The following MAP2 variants were observed in gnomAD, a reference collection of about 807,000 sequenced individuals.
The protein encoded by MAP2 is microtubule associated protein 2, also known as microtubule-associated protein 2.
In MAP2, 14 loss-of-function variants were observed where a neutral mutation model predicts 137.6. The observed-to-expected ratio is 0.10, with a 90% confidence interval of 0.07 to 0.16. The LOEUF (loss-of-function observed/expected upper bound fraction) is 0.16, where lower values mean the gene tolerates loss of function less well. Among genes scored for constraint, MAP2 ranks in the 10% least tolerant of loss-of-function variants. MAP2 has a pLI of 1.00. For missense variants in MAP2, 2,088 were observed against 2,191.5 expected, an observed-to-expected ratio of 0.95 and a Z score of 0.94; for synonymous variants, 786 against 782.3, an observed-to-expected ratio of 1.00 and a Z score of -0.08.
intron 1 of MAP2, among the ~76,000 whole-genome samples, chr2:209,477,503 A>G (rs1707577078): frequency 6.6e-6 from 1 of 152,270 alleles, no homozygotes; most frequent in East Asian, 1.9e-4. Context: ...AAAACCCTTT[A>G]CAATTGTCTT....
chr2:209,610,276 G>A (rs1287768127), intron 3 of MAP2, among the ~76,000 whole-genome samples: 1 of 152,074 alleles, frequency 6.6e-6, no homozygotes, highest in Non-Finnish European at 1.5e-5. Context: ...AACAGGAGAG[G>A]AGAGGGTAGG....
intron 1 of MAP2, among the ~76,000 whole-genome samples, chr2:209,436,788 A>G (rs546787690): frequency 4.0e-5 from 6 of 151,702 alleles, no homozygotes; most frequent in Non-Finnish European, 8.9e-5. Flanking sequence ...GCTTCTAGTA[A>G]TCTCAGAATA....
At chr2:209,637,169 G>T (rs1196715969) in intron 4 of MAP2, among the ~76,000 whole-genome samples, 4 of 152,134 alleles carry the variant, frequency 2.6e-5, no homozygotes, top group Admixed American at 2.0e-4. Flanking sequence ...CTGGCCGGGT[G>T]TGGTGGCTCT....
chr2:209,430,712 A>G (rs1559151814), intron 1 of MAP2, among the ~76,000 whole-genome samples: 1 of 152,208 alleles, frequency 6.6e-6, no homozygotes, highest in Non-Finnish European at 1.5e-5. Context: ...GGCTACTTAA[A>G]TGTATCTTTT....
intron 7 of MAP2, among the ~76,000 whole-genome samples, chr2:209,682,833 G>T (rs1479545580): frequency 6.6e-6 from 1 of 152,130 alleles, no homozygotes; most frequent in Non-Finnish European, 1.5e-5. Flanking sequence ...GTCAGCTGGG[G>T]TCAGTGGCCT....
In MAP2 at chr2:209,692,841, C is replaced by G. The variant is rs144699107; in HGVS notation, c.671C>G (p.Ala224Gly). ...QGTEEEKAPL[A>G]LFGHTLVASL... ...ACGGAAGAAGAAAAAGCACCCCTAG[C>G]TTTGTTTGGGCACACTCTTGTTGCC... The change falls in exon 8 of 16, where the codon GCT becomes GGT. Residue 224 changes from alanine (A) to glycine (G), a missense_variant. By Grantham distance (60) the Ala-to-Gly change is moderately conservative. Around this residue, in one of 6 missense-constraint regions of MAP2, gnomAD observed 859 missense variants for 794.5 expected, o/e 1.08. Coordinates refer to ENST00000682079, the MANE Select transcript of MAP2 (RefSeq NM_001375505.1). 6.2e-7 allele frequency: 1 copy of G among 1,612,950 alleles called. No individual in the cohort carries two copies. The highest frequency in any genetic ancestry group is 1.3e-5 in the African/African-American group (1 of 74,754).
chr2:209,537,723 T>G (rs563901731), intron 2 of MAP2, among the ~76,000 whole-genome samples: 2 of 152,288 alleles, frequency 1.3e-5, no homozygotes, highest in South Asian at 4.1e-4. Context: ...CATGGGGTGA[T>G]TCTAATAAAT....
intron 1 of MAP2, among the ~76,000 whole-genome samples, chr2:209,461,734 C>G (rs1240885057): frequency 6.6e-6 from 1 of 152,150 alleles, no homozygotes; most frequent in Non-Finnish European, 1.5e-5. Context: ...CAGGTGTGAG[C>G]CACTGCACCT....
rs288082 is a variant in MAP2, at chr2:209,564,786, G to A, written c.-171-15250G>A. On this transcript the variant is annotated intron_variant, in intron 2 of 15. Transcript: ENST00000682079. ...TCAGATCATGCAAATCTTTTTTCAT[G>A]CTTTACGTTATTTTAACTTTTTTTC... 8.7e-3 allele frequency among the ~76,000 whole-genome samples: 1,318 copies of A among 152,004 alleles called. 19 individuals are homozygous for A. The highest frequency in any genetic ancestry group is 0.03 in the African/African-American group (1,232 of 41,476).
At chr2:209,429,747 T>C (rs1022307651) in intron 1 of MAP2, among the ~76,000 whole-genome samples, 2 of 152,166 alleles carry the variant, frequency 1.3e-5, no homozygotes, top group Admixed American at 1.3e-4. Context: ...ATATGAACCC[T>C]TTACATTTAT....
intron 1 of MAP2, among the ~76,000 whole-genome samples, chr2:209,486,676 G>A (rs1022907827): frequency 2.6e-5 from 4 of 152,182 alleles, no homozygotes; most frequent in Non-Finnish European, 5.9e-5. Context: ...GTAATGTTTT[G>A]CTTGTGGTTT....
chr2:209,644,512 C>G lies in MAP2; in HGVS notation c.-29-8630C>G, dbSNP rs149868766. On this transcript the variant is annotated intron_variant, in intron 4 of 15. Coordinates refer to ENST00000682079, the MANE Select transcript of MAP2 (RefSeq NM_001375505.1). The stretch of plus-strand genomic sequence containing the variant: ...TATAGTGTTGGCCAAACATCCACAG[C>G]AGGCAGAACCTTTCTGTGTTTACCC... Among the ~76,000 whole-genome samples the G allele has an allele frequency of 3.2e-3, 481 of 152,148 alleles. 2 individuals carry two copies. Among genetic ancestry groups the G allele is most frequent in the African/African-American group, 0.011 (467 of 41,536 alleles).
chr2:209,445,466 CA>C (rs1698835845), intron 1 of MAP2, among the ~76,000 whole-genome samples: 1 of 147,674 alleles, frequency 6.8e-6, no homozygotes. Context: ...ACAGGTTTTT[CA>C]GCAGAGACGT....
intron 3 of MAP2, among the ~76,000 whole-genome samples, chr2:209,600,787 G>A (rs1249251521): frequency 2.0e-5 from 3 of 152,134 alleles, no homozygotes; most frequent in East Asian, 1.9e-4. Flanking sequence ...AGGTGTTAGC[G>A]CTGCTAGGCT....
At chr2:209,664,478 A>AGGT (rs1459598493) in intron 5 of MAP2, among the ~76,000 whole-genome samples, 1 of 152,216 alleles carries the variant, frequency 6.6e-6, no homozygotes, top group Non-Finnish European at 1.5e-5. Context: ...TAAATCCAGG[A>AGGT]GGTGGAGGTT....
At position 209,696,031 on chromosome 2, in the gene MAP2, C is replaced by A; in HGVS notation, c.3861C>A (p.Ile1287=). ...GAGTGATTGAGTCTGTTGTGACCAT[C>A]GAGGATGATTTCATCACTGTAGTGC... ...HKGVIESVVT[I]EDDFITVVQT... Residue 1287 remains isoleucine, a synonymous_variant, in exon 8 of 16, where the codon ATC becomes ATA. Coordinates refer to ENST00000682079, the MANE Select transcript of MAP2 (RefSeq NM_001375505.1). The A allele has an allele frequency of 3.1e-6, 5 of 1,614,036 alleles. No homozygotes were observed. Among genetic ancestry groups the A allele is most frequent in the Non-Finnish European group, 4.2e-6 (5 of 1,179,996 alleles).
intron 2 of MAP2, among the ~76,000 whole-genome samples, chr2:209,510,265 A>G (rs1559256031): frequency 6.6e-6 from 1 of 151,852 alleles, no homozygotes; most frequent in Non-Finnish European, 1.5e-5. Context: ...TATTCTATAC[A>G]TTGCAGTTAC....
rs910437100 is a variant in MAP2 at position 209,614,520 on chromosome 2, G to A, written c.-106-10533G>A. On this transcript the variant is annotated intron_variant, in intron 3 of 15. Transcript: ENST00000682079. Reference sequence around the variant, plus strand: ...TATCATATTATGCACTCAGGAATATGGTTATAGAATTTCCAGAACACTTGG... The same window carrying A: ...TATCATATTATGCACTCAGGAATATAGTTATAGAATTTCCAGAACACTTGG... Among the ~76,000 whole-genome samples the A allele has an allele frequency of 8.1e-4, 123 of 152,194 alleles. 1 individual carries two copies. Among genetic ancestry groups the A allele is most frequent in the Admixed American group, 8.0e-3 (123 of 15,282 alleles).
intron 3 of MAP2, among the ~76,000 whole-genome samples, chr2:209,581,311 C>T (rs549115050): frequency 6.6e-6 from 1 of 152,096 alleles, no homozygotes; most frequent in Non-Finnish European, 1.5e-5. Flanking sequence ...AGAGTGTAGG[C>T]AGCATCACAT....
Sources: gnomAD v4.1 joint callset for allele counts (sites outside exome capture counted in the v4.1 genomes callset) on GRCh38, gnomAD v4.1.1 for gene constraint, gnomAD v4.1.1 regional missense constraint, MANE v1.5 for transcripts, NCBI Gene and HGNC (gene_info 2026-07-23, HGNC 2026-07-21) for gene names.